GALNT14: variants seen among roughly 807,000 people sequenced by gnomAD.
GALNT14 encodes the protein polypeptide N-acetylgalactosaminyltransferase 14.
Under a neutral mutation model 77.5 loss-of-function variants are expected in GALNT14, and 60 were observed. That is an observed-to-expected ratio of 0.77 (90% CI 0.63 to 0.96). The LOEUF is 0.96. Among genes scored for constraint, GALNT14 ranks in the 40% least tolerant of loss-of-function variants. The pLI, the probability that GALNT14 is intolerant of heterozygous loss-of-function variation, is 0.00. For missense variants in GALNT14, 710 were observed against 731.0 expected (o/e 0.97, Z 0.33); for synonymous variants, 280 against 281.7 (o/e 0.99, Z 0.06).
rs754623802 is a variant in GALNT14 at position 30,945,886 on chromosome 2, C to T, written c.655-16G>A. The T allele has an allele frequency of 6.2e-7, 1 of 1,611,472 alleles. No individual in the cohort carries two copies. Among genetic ancestry groups the T allele is most frequent in the Non-Finnish European group, 8.5e-7 (1 of 1,177,734 alleles). ...GCGTGTAGTCCTGTAAGACAACAGA[C>T]CCGCACTTAGCTTATGGAGAGGAGC... On this transcript the variant is annotated splice_polypyrimidine_tract_variant and intron_variant, in intron 6 of 14. Coordinates refer to ENST00000349752, the MANE Select transcript of GALNT14 (RefSeq NM_024572.4).
the GALNT14 span, among the ~76,000 whole-genome samples, chr2:30,896,004 G>C: frequency 6.6e-6 from 1 of 152,198 alleles, no homozygotes; most frequent in East Asian, 1.9e-4. Context: ...ATATCACCTG[G>C]GCAACCTCGA....
chr2:30,897,811 C>T, the GALNT14 span, among the ~76,000 whole-genome samples: 9 of 152,304 alleles, frequency 5.9e-5, no homozygotes, highest in African/African-American at 2.2e-4. Context: ...GACACCATTC[C>T]CAGAGCTGAT....
At chr2:30,988,372 T>C (rs368698384) in intron 2 of GALNT14, among the ~76,000 whole-genome samples, 2 of 151,854 alleles carry the variant, frequency 1.3e-5, no homozygotes, top group East Asian at 3.9e-4. Flanking sequence ...AGTGGGCCAA[T>C]GGCGATGGGG....
rs186867282 is a variant in GALNT14 at position 31,100,283 on chromosome 2, C to A, written c.129+37675G>T. On this transcript the variant is annotated intron_variant, in intron 1 of 14. Coordinates refer to ENST00000349752, the MANE Select transcript of GALNT14 (RefSeq NM_024572.4). ...TGTTATAACTTTGATGAGAAAAAAA[C>A]CAGTTTTGTTACATGTCATTTTGCT... is the stretch of plus-strand genomic sequence containing the variant. Among the ~76,000 whole-genome samples, 362 of 151,976 alleles carry A rather than the reference C, an allele frequency of 2.4e-3. 5 individuals are homozygous for A. Among genetic ancestry groups the A allele is most frequent in the African/African-American group, 6.6e-3 (276 of 41,510 alleles).
chr2:31,015,116 C>G (rs1185911612), intron 1 of GALNT14, among the ~76,000 whole-genome samples: 1 of 151,918 alleles, frequency 6.6e-6, no homozygotes, highest in African/African-American at 2.4e-5. Flanking sequence ...TTGGTGAAAC[C>G]TCATCTCTAC....
chr2:30,953,835 G>C (rs1667191204), intron 6 of GALNT14, among the ~76,000 whole-genome samples: 1 of 152,170 alleles, frequency 6.6e-6, no homozygotes, highest in African/African-American at 2.4e-5. Flanking sequence ...TTACCGGTAG[G>C]AAGCAAGCTT....
intron 6 of GALNT14, among the ~76,000 whole-genome samples, chr2:30,952,752 A>C (rs1381703872): frequency 2.7e-5 from 4 of 148,076 alleles, no homozygotes; most frequent in Non-Finnish European, 6.0e-5. Flanking sequence ...CTAAAACTTA[A>C]AGCATAATAA....
chr2:30,889,775 C>T, the GALNT14 span, among the ~76,000 whole-genome samples: 2 of 152,156 alleles, frequency 1.3e-5, no homozygotes. Flanking sequence ...ACTTAAAGGC[C>T]TTTGTACCAC....
intron 1 of GALNT14, among the ~76,000 whole-genome samples, chr2:31,079,733 G>A (rs1676040472): frequency 6.6e-6 from 1 of 152,152 alleles, no homozygotes; most frequent in Non-Finnish European, 1.5e-5. Flanking sequence ...AACACAAAGT[G>A]GTGGTATCAG....
At chr2:31,008,484 C>G (rs1670812045) in intron 1 of GALNT14, among the ~76,000 whole-genome samples, 1 of 152,196 alleles carries the variant, frequency 6.6e-6, no homozygotes, top group African/African-American at 2.4e-5. Context: ...AACCTTAGAT[C>G]TGCATGGGTG....
intron 1 of GALNT14, among the ~76,000 whole-genome samples, chr2:31,013,684 C>T (rs762418850): frequency 7.9e-5 from 12 of 152,044 alleles, no homozygotes; most frequent in African/African-American, 1.2e-4. Context: ...TGGCAGACTT[C>T]TAATTTGGAC....
intron 1 of GALNT14, among the ~76,000 whole-genome samples, chr2:30,995,727 T>C (rs1189507518): frequency 6.6e-6 from 1 of 152,182 alleles, no homozygotes; most frequent in Non-Finnish European, 1.5e-5. Context: ...CTCGCACTCC[T>C]AGCTTCAGGC....
At chr2:31,054,083 C>G (rs945050344) in intron 1 of GALNT14, among the ~76,000 whole-genome samples, 5 of 152,220 alleles carry the variant, frequency 3.3e-5, no homozygotes, top group Middle Eastern at 3.2e-3. Flanking sequence ...TCAGGGAGAG[C>G]AAGTCAGCAT....
chr2:31,056,392 A>C (rs1674209022), intron 1 of GALNT14, among the ~76,000 whole-genome samples: 2 of 152,216 alleles, frequency 1.3e-5, no homozygotes, highest in African/African-American at 4.8e-5. Context: ...CAGTAAATCC[A>C]GATGCAGAAA....
intron 1 of GALNT14, among the ~76,000 whole-genome samples, chr2:31,079,418 A>T (rs1398834080): frequency 6.6e-6 from 1 of 152,186 alleles, no homozygotes; most frequent in Non-Finnish European, 1.5e-5. Flanking sequence ...TCTGAGGAAG[A>T]GCTGAGCCCT....
At chr2:30,909,045 T>C (rs1180654950), downstream of GALNT14, among the ~76,000 whole-genome samples, 9 of 152,020 alleles carry the variant, frequency 5.9e-5, no homozygotes, top group Non-Finnish European at 1.0e-4. Flanking sequence ...TTACACCTTA[T>C]ACAAAATTCA....
At chr2:31,108,151 A>C (rs757261798) in intron 1 of GALNT14, among the ~76,000 whole-genome samples, 2 of 152,158 alleles carry the variant, frequency 1.3e-5, no homozygotes, top group Admixed American at 1.3e-4. Flanking sequence ...AGTGTAATTC[A>C]GGAAATACCA....
intron 1 of GALNT14, among the ~76,000 whole-genome samples, chr2:31,001,830 A>G (rs1207339105): frequency 1.3e-5 from 2 of 152,186 alleles, no homozygotes; most frequent in East Asian, 1.9e-4. Context: ...GTACTCCCCA[A>G]ATGTATACAA....
At chr2:31,044,930 A>T (rs1305453401) in intron 1 of GALNT14, among the ~76,000 whole-genome samples, 2 of 151,956 alleles carry the variant, frequency 1.3e-5, no homozygotes, top group Non-Finnish European at 2.9e-5. Flanking sequence ...AAAAAAAAAA[A>T]CTATAGGGTA....
Sources: allele counts gnomAD v4.1 joint callset (sites outside exome capture counted in the v4.1 genomes callset), GRCh38; gene constraint gnomAD v4.1.1; transcripts MANE v1.5; gene names NCBI Gene and HGNC (gene_info 2026-07-23, HGNC 2026-07-21).